OPLAH: variants seen among roughly 807,000 people sequenced by gnomAD.
The protein encoded by OPLAH is 5-oxoprolinase, ATP-hydrolysing.
A neutral mutation model predicts 122.8 loss-of-function variants in OPLAH; 103 were observed. The observed-to-expected ratio is 0.84, with a 90% CI of 0.71 to 0.99. The LOEUF (loss-of-function observed/expected upper bound fraction) is 0.99. OPLAH is among the 50% of genes least tolerant of loss of function. The probability of loss-of-function intolerance (pLI) is 0.00; values close to 1 mark genes in which losing one functional copy is unlikely to be tolerated. For synonymous variants in OPLAH, 875 were observed against 796.0 expected, an observed-to-expected ratio of 1.10 and a Z score of -1.67; for missense variants, 1,902 against 1,836.5, an observed-to-expected ratio of 1.04 and a Z score of -0.65.
chr8:144,054,966 G>C, intron 17 of OPLAH, 53 bp from the exon 18 acceptor site: 1 of 1,236,374 alleles, frequency 8.1e-7, no homozygotes, highest in Non-Finnish European at 1.1e-6. Context: ...GGGCCAGAGC[G>C]GGGTGGGGGG....
At chr8:144,063,349 G>C (rs1835693424), upstream of OPLAH, among the ~76,000 whole-genome samples, 1 of 152,306 alleles carries the variant, frequency 6.6e-6, no homozygotes, top group South Asian at 2.1e-4. This position sits in a 1 kb window ranked among gnomAD's most constrained non-coding sequence, Gnocchi z 4.2. Flanking sequence ...ACCCCGGCCA[G>C]GCTTCCATCA....
Position 144,055,285 on chromosome 8 carries a change from G to A in OPLAH, c.2249-96C>T, listed in dbSNP as rs1385508841. ...AGGACCCACCAGGACTCAAACCCAG[G>A]ACCCAGGAAAAACCCAGCAGCTTTT... On this transcript the variant is annotated intron_variant, in intron 16 of 26. Transcript: ENST00000618853. The surrounding 1 kb of genome is among the most constrained non-coding windows in gnomAD (Gnocchi z 6.5). 13 of 1,321,304 alleles carry A rather than the reference G, an allele frequency of 9.8e-6. No homozygotes were observed. The highest frequency in any genetic ancestry group is 2.7e-4 in the Middle Eastern group (1 of 3,668). 81.8% of individuals were successfully genotyped at this position (1,321,304 alleles called of 1,614,324 possible).
In OPLAH at chr8:144,051,843, G is replaced by A; in HGVS notation, c.3623-17C>T. On this transcript the variant is annotated splice_polypyrimidine_tract_variant and intron_variant, in intron 25 of 26. Transcript: ENST00000618853. Reference sequence around the variant, plus strand: ...GCTCGCCCCCTGCGGAGGGAGGCGAGGAGTCCAGAGAGACCAGGGGCGGGG... The same window carrying A: ...GCTCGCCCCCTGCGGAGGGAGGCGAAGAGTCCAGAGAGACCAGGGGCGGGG... 7.4e-7 allele frequency: 1 copy of A among 1,345,096 alleles called. No individual in the cohort carries two copies. The allele number at this position is 1,345,096 out of a possible 1,614,324, so 83.3% of individuals were successfully genotyped here.
upstream of OPLAH, among the ~76,000 whole-genome samples, chr8:144,061,287 C>T (rs1554760836): frequency 2.0e-5 from 3 of 152,188 alleles, no homozygotes; most frequent in South Asian, 2.1e-4. Flanking sequence ...AGGAGGTCAG[C>T]ACAACACACA....
Position 144,059,655 on chromosome 8 carries a change from C to T in OPLAH, c.307G>A (p.Gly103Ser). The T allele has an allele frequency of 6.2e-7, 1 of 1,612,586 alleles. No homozygotes were observed. Among genetic ancestry groups the T allele is most frequent in the Non-Finnish European group, 8.5e-7 (1 of 1,179,736 alleles). Residue 103 changes from glycine (G) to serine (S), a missense_variant, in exon 3 of 27, where the codon GGC becomes AGC. Gly to Ser is a moderately conservative substitution (Grantham distance 56, BLOSUM62 0). Transcript: ENST00000618853. ...CCAATGTGCAGCAGGTCTCGGAAGCCACGTGTCACCAGCAGCGCCACCCGC... is the reference window on the plus strand; with the variant it reads ...CCAATGTGCAGCAGGTCTCGGAAGCTACGTGTCACCAGCAGCGCCACCCGC... ...GERVALLVTR[G>S]FRDLLHIGTQ... is the part of the protein sequence containing the mutation.
At chr8:144,060,182 G>A (rs942336120) in intron 1 of OPLAH, 97 bp from the exon 2 acceptor site, 12 of 865,186 alleles carry the variant, frequency 1.4e-5, no homozygotes, top group Non-Finnish European at 1.9e-5. Flanking sequence ...AGAGACCCAC[G>A]GGCACGACTC....
chr8:144,058,171 G>A, intron 7 of OPLAH, 23 bp from the exon 8 acceptor site: 2 of 1,611,428 alleles, frequency 1.2e-6, no homozygotes, highest in South Asian at 2.2e-5. Context: ...GGGTGCTGGT[G>A]GGTCACTTGA....
In OPLAH at chr8:144,051,712, C is replaced by A; in HGVS notation, c.3720+17G>T. ...GGGAGGGGAGGGGAGGGGGACAGGACAGGCCGCGGCCCTTACCCCGGGGTA... is the reference window on the plus strand; with the variant it reads ...GGGAGGGGAGGGGAGGGGGACAGGAAAGGCCGCGGCCCTTACCCCGGGGTA... On this transcript the variant is annotated intron_variant, in intron 26 of 26. Transcript: ENST00000618853. 1 of 1,578,856 alleles carries A rather than the reference C, an allele frequency of 6.3e-7. No homozygotes were observed. The highest frequency in any genetic ancestry group is 8.6e-7 in the Non-Finnish European group (1 of 1,163,794).
intron 26 of OPLAH, 107 bp downstream of exon 26, chr8:144,051,622 C>A (rs2129736831): frequency 8.3e-7 from 1 of 1,201,394 alleles, no homozygotes. Context: ...CCTTCCGGGG[C>A]CAAATTAAAC....
At position 144,051,274 on chromosome 8, in the gene OPLAH, G is replaced by A. The variant is rs948492692; in HGVS notation, c.*52C>T. ...CGACTCGGAGCACGAACTAGGCGCC[G>A]TAGCTGCGTCCCCAGAACCGGGAGA... On this transcript the variant is annotated 3_prime_UTR_variant, in exon 27 of 27. Coordinates refer to ENST00000618853, the MANE Select transcript of OPLAH (RefSeq NM_017570.5). 1.2e-4 allele frequency: 197 copies of A among 1,604,452 alleles called. No individual in the cohort carries two copies. Among genetic ancestry groups the A allele is most frequent in the Non-Finnish European group, 1.3e-4 (156 of 1,176,784 alleles).
chr8:144,050,916 C>T, downstream of OPLAH: 10 of 1,013,744 alleles, frequency 9.9e-6, no homozygotes, highest in Non-Finnish European at 1.1e-5. Flanking sequence ...GGGGCCCTGG[C>T]CTTGATGACA....
intron 9 of OPLAH, 52 bp downstream of exon 9, chr8:144,057,804 C>T: frequency 6.2e-7 from 1 of 1,604,710 alleles, no homozygotes; most frequent in East Asian, 2.2e-5. Flanking sequence ...GGGGCTGGGC[C>T]TGCGGCGGCA....
rs374020456 is a variant in OPLAH, at chr8:144,055,660, C to T, written c.2248+128G>A. 11 of 1,170,574 alleles carry T rather than the reference C, an allele frequency of 9.4e-6. No homozygotes were observed. Among genetic ancestry groups the T allele is most frequent in the East Asian group, 8.4e-5 (3 of 35,922 alleles). The allele number at this position is 1,170,574 out of a possible 1,614,324, so 72.5% of individuals were successfully genotyped here. ...GGCCAACTGCACCACACCAGTGCTG[C>T]GGCCACACTGCCCGCCCCGTCGCCA... On this transcript the variant is annotated intron_variant, in intron 16 of 26. Coordinates refer to ENST00000618853, the MANE Select transcript of OPLAH (RefSeq NM_017570.5). This position sits in a 1 kb window ranked among gnomAD's most constrained non-coding sequence, Gnocchi z 6.5.
Position 144,054,559 on chromosome 8 carries a change from A to C in OPLAH, c.2686+2T>G. On this transcript the variant is annotated splice_donor_variant, in intron 19 of 26. Coordinates refer to ENST00000618853, the MANE Select transcript of OPLAH (RefSeq NM_017570.5). LOFTEE classifies it high-confidence loss of function. Reference sequence around the variant, plus strand: ...GGCCTGCCCCACCCCACTCCCACTCACCCTCCTCCTGGAAGACGCCCCCCT... The same window carrying C: ...GGCCTGCCCCACCCCACTCCCACTCCCCCTCCTCCTGGAAGACGCCCCCCT... The C allele has an allele frequency of 6.4e-7, 1 of 1,573,832 alleles. No homozygotes were observed. Among genetic ancestry groups the C allele is most frequent in the Non-Finnish European group, 8.7e-7 (1 of 1,154,636 alleles).
intron 19 of OPLAH, 32 bp downstream of exon 19, chr8:144,054,529 C>T: frequency 2.6e-6 from 4 of 1,543,056 alleles, no homozygotes; most frequent in Non-Finnish European, 3.5e-6. Context: ...TCCCAGCCTA[C>T]AGAAGGCCTG....
chr8:144,057,146 G>A (rs1835539165), intron 11 of OPLAH, 28 bp from the exon 12 acceptor site: 2 of 1,594,726 alleles, frequency 1.3e-6, no homozygotes, highest in Non-Finnish European at 1.7e-6. Context: ...ATGGCAATGG[G>A]AGGTCACCTC....
intron 19 of OPLAH, among the ~76,000 whole-genome samples, chr8:144,053,975 AC>A (rs1383252634): frequency 3.7e-5 from 1 of 27,236 alleles, no homozygotes; most frequent in African/African-American, 1.5e-4. Context: ...ACTGTCCCCC[AC>A]CCCCCGCCCT....
Position 144,058,153 on chromosome 8 carries a change from C to A in OPLAH, c.950-5G>T, listed in dbSNP as rs1413020364. ...GGCTCACATCCGTGGACGTGCCTGG[C>A]AGGGGTGGGGTGCTGGTGGGTCACT... On this transcript the variant is annotated splice_polypyrimidine_tract_variant and splice_region_variant and intron_variant, in intron 7 of 26. Coordinates refer to ENST00000618853, the MANE Select transcript of OPLAH (RefSeq NM_017570.5). 3 of 1,612,096 alleles carry A rather than the reference C, an allele frequency of 1.9e-6. No individual in the cohort carries two copies. In the South Asian group the frequency reaches 3.3e-5, roughly 18 times the overall value.
At chr8:144,056,348 T>C in intron 14 of OPLAH, 37 bp downstream of exon 14, 3 of 1,595,698 alleles carry the variant, frequency 1.9e-6, no homozygotes, top group Non-Finnish European at 2.6e-6. Context: ...CGGTGCCCCA[T>C]GGGTGCTGTC....
Sources: allele counts gnomAD v4.1 joint callset (sites outside exome capture counted in the v4.1 genomes callset), GRCh38; gene constraint gnomAD v4.1.1; non-coding constraint Gnocchi (gnomAD v3.1); transcripts MANE v1.5; gene names NCBI Gene and HGNC (gene_info 2026-07-23, HGNC 2026-07-21).